ERG: variants seen among roughly 807,000 people sequenced by gnomAD.
ERG encodes the protein ETS transcription factor ERG, also known as transcriptional regulator ERG.
A neutral mutation model predicts 55.3 loss-of-function variants in ERG; 9 were observed. The ratio of observed to expected loss-of-function variants is 0.16; its 90% confidence interval spans 0.10 to 0.28. The LOEUF is 0.28. Ranked by LOEUF, ERG falls within the 10% of genes least tolerant of loss-of-function variation. The pLI is 1.00. For synonymous variants in ERG, 223 were observed against 237.3 expected (o/e 0.94, Z 0.55); for missense variants, 434 against 631.6 (o/e 0.69, Z 3.35).
chr21:38,617,376 C>T (rs1287517609), intron 1 of ERG, among the ~76,000 whole-genome samples: 1 of 152,178 alleles, frequency 6.6e-6, no homozygotes, highest in Non-Finnish European at 1.5e-5. Flanking sequence ...GAAATGAGCC[C>T]ATGTGTTCAG....
intron 1 of ERG, among the ~76,000 whole-genome samples, chr21:38,641,827 A>T (rs529131078): frequency 6.6e-6 from 1 of 152,354 alleles, no homozygotes; most frequent in South Asian, 2.1e-4. Flanking sequence ...TCAAGAGCGT[A>T]TCTCAGTCTG....
At chr21:38,426,823 G>C (rs1022297247) in intron 2 of ERG, among the ~76,000 whole-genome samples, 6 of 151,866 alleles carry the variant, frequency 4.0e-5, no homozygotes, top group Non-Finnish European at 8.8e-5. Context: ...CCAGCTACTC[G>C]GGAGGCTGAG....
chr21:38,527,688 G>A (rs937488605), intron 2 of ERG, among the ~76,000 whole-genome samples: 1 of 152,184 alleles, frequency 6.6e-6, no homozygotes, highest in African/African-American at 2.4e-5. Flanking sequence ...AGCAGGACCT[G>A]TTAAACAGCA....
chr21:38,645,622 A>G (rs1178930420), intron 1 of ERG, among the ~76,000 whole-genome samples: 1 of 152,246 alleles, frequency 6.6e-6, no homozygotes, highest in Non-Finnish European at 1.5e-5. Context: ...TATCTGTAAG[A>G]TGATTCAAAA....
At chr21:38,583,267 G>A (rs893119727) in intron 1 of ERG, among the ~76,000 whole-genome samples, 1 of 152,178 alleles carries the variant, frequency 6.6e-6, no homozygotes, top group African/African-American at 2.4e-5. Context: ...CTCCCTTATG[G>A]GGCAGGAAGA....
chr21:38,393,442 T>C (rs1018968562), intron 6 of ERG, among the ~76,000 whole-genome samples: 1 of 152,218 alleles, frequency 6.6e-6, no homozygotes. Context: ...TTGGATTGCT[T>C]GGTCTCAGTT....
chr21:38,629,929 G>T (rs142316933), intron 1 of ERG, among the ~76,000 whole-genome samples: 3 of 152,188 alleles, frequency 2.0e-5, no homozygotes, highest in African/African-American at 7.2e-5. Flanking sequence ...CCTTAAAAAA[G>T]AAATGAAATT....
chr21:38,554,473 A>G (rs185924927), intron 2 of ERG, among the ~76,000 whole-genome samples: 5 of 152,356 alleles, frequency 3.3e-5, no homozygotes, highest in African/African-American at 9.6e-5. Context: ...CACAAACATT[A>G]CAGAATACTA....
At chr21:38,520,257 G>A (rs1188803844) in intron 2 of ERG, among the ~76,000 whole-genome samples, 1 of 152,184 alleles carries the variant, frequency 6.6e-6, no homozygotes, top group Non-Finnish European at 1.5e-5. Context: ...GAAGAGCCAG[G>A]AGCTGGAGGG....
chr21:38,411,934 C>A (rs934962499), intron 3 of ERG, among the ~76,000 whole-genome samples: 4 of 152,156 alleles, frequency 2.6e-5, no homozygotes, highest in African/African-American at 9.7e-5. Flanking sequence ...CCTTTTTTCA[C>A]TATGTAATGA....
chr21:38,553,553 C>T (rs1446479518), intron 2 of ERG, among the ~76,000 whole-genome samples: 2 of 152,006 alleles, frequency 1.3e-5, no homozygotes, highest in Non-Finnish European at 2.9e-5. Flanking sequence ...ATCTAATCTT[C>T]AACAAAGTAG....
intron 3 of ERG, among the ~76,000 whole-genome samples, chr21:38,417,391 T>G (rs558182006): frequency 6.6e-6 from 1 of 152,332 alleles, no homozygotes; most frequent in South Asian, 2.1e-4. Flanking sequence ...ATCTCTGAGA[T>G]TACTGATTAT....
intron 2 of ERG, among the ~76,000 whole-genome samples, chr21:38,531,004 G>C (rs566086580): frequency 6.6e-6 from 1 of 152,316 alleles, no homozygotes; most frequent in Non-Finnish European, 1.5e-5. Context: ...TGTAGACACA[G>C]ATATTGATGA....
chr21:38,619,967 G>T (rs1378788891), intron 1 of ERG, among the ~76,000 whole-genome samples: 1 of 152,236 alleles, frequency 6.6e-6, no homozygotes, highest in Non-Finnish European at 1.5e-5. Context: ...AATGTGCTTA[G>T]TATTATTCAG....
At chr21:38,585,259 T>C (rs1390923300), upstream of ERG, among the ~76,000 whole-genome samples, 1 of 152,160 alleles carries the variant, frequency 6.6e-6, no homozygotes, top group African/African-American at 2.4e-5. Flanking sequence ...CCCCCAGCTT[T>C]GGTAATAATG....
chr21:38,614,919 C>A (rs191787547), intron 1 of ERG, among the ~76,000 whole-genome samples: 3 of 152,158 alleles, frequency 2.0e-5, no homozygotes, highest in Admixed American at 2.0e-4. Flanking sequence ...CAAGATTGTC[C>A]GGCTCTACTC....
chr21:38,626,974 G>A (rs1030240492), intron 1 of ERG, among the ~76,000 whole-genome samples: 10 of 151,908 alleles, frequency 6.6e-5, no homozygotes, highest in Non-Finnish European at 1.3e-4. Flanking sequence ...CAGTTTTGCA[G>A]CCATAATTGA....
intron 3 of ERG, among the ~76,000 whole-genome samples, chr21:38,420,528 G>T (rs1601370404): frequency 6.6e-6 from 1 of 152,184 alleles, no homozygotes; most frequent in Admixed American, 6.5e-5. Flanking sequence ...TCACATCAAA[G>T]CTTACTATAA....
intron 3 of ERG, among the ~76,000 whole-genome samples, chr21:38,420,597 T>C (rs1989500759): frequency 6.6e-6 from 1 of 152,212 alleles, no homozygotes; most frequent in Non-Finnish European, 1.5e-5. Context: ...GCAGCTACTA[T>C]GTATAAAAAA....
Sources: gnomAD v4.1 joint callset for allele counts (sites outside exome capture counted in the v4.1 genomes callset) on GRCh38, gnomAD v4.1.1 for gene constraint, MANE v1.5 for transcripts, NCBI Gene and HGNC (gene_info 2026-07-23, HGNC 2026-07-21) for gene names.